Variants in RAD51 observed in about 807,000 individuals in gnomAD.
RAD51 encodes RAD51 recombinase.
RAD51 carries 14 observed loss-of-function variants against 41.5 expected under a neutral mutation model. The ratio of observed to expected loss-of-function variants is 0.34; its 90% confidence interval spans 0.22 to 0.53. The LOEUF (loss-of-function observed/expected upper bound fraction) is 0.53. RAD51 is among the 20% of genes least tolerant of loss of function. The pLI is 0.95. For synonymous variants in RAD51, 136 were observed against 148.6 expected (o/e 0.92, Z 0.62); for missense variants, 234 against 422.0 (o/e 0.55, Z 3.90).
rs2141887635 is a variant in RAD51 at position 40,731,330 on chromosome 15, A to G, written c.*152A>G. The G allele has an allele frequency of 3.0e-6, 3 of 997,228 alleles. No individual in the cohort carries two copies. Among genetic ancestry groups the G allele is most frequent in the Non-Finnish European group, 3.0e-6 (2 of 657,624 alleles). 61.8% of individuals were successfully genotyped at this position (997,228 alleles called of 1,614,324 possible). On this transcript the variant is annotated 3_prime_UTR_variant, in exon 10 of 10. Coordinates refer to ENST00000267868, the MANE Select transcript of RAD51 (RefSeq NM_002875.5). ...CTATTATATCAGCTTTTCTGATGGT[A>G]TAAACAGGAGACAGGTCAGTAGTCA...
intron 3 of RAD51, among the ~76,000 whole-genome samples, chr15:40,704,689 A>T (rs1441983595): frequency 9.8e-6 from 1 of 101,954 alleles, no homozygotes; most frequent in African/African-American, 4.0e-5. Flanking sequence ...TTTTTTTTTG[A>T]GATGGAATCT....
chr15:40,727,770 ACT>A (rs2141877916), intron 6 of RAD51, among the ~76,000 whole-genome samples: 1 of 151,680 alleles, frequency 6.6e-6, no homozygotes, highest in East Asian at 1.9e-4. Context: ...GTAAGGTGTA[ACT>A]CTATCCTAAT....
At chr15:40,709,805 TA>T (rs1234642486) in intron 5 of RAD51, among the ~76,000 whole-genome samples, 1 of 152,196 alleles carries the variant, frequency 6.6e-6, no homozygotes, top group Non-Finnish European at 1.5e-5. Flanking sequence ...TCAGTGTCTG[TA>T]CCCAAATAGC....
chr15:40,718,044 C>T (rs1440767288), intron 5 of RAD51, among the ~76,000 whole-genome samples: 1 of 151,988 alleles, frequency 6.6e-6, no homozygotes, highest in African/African-American at 2.4e-5. Flanking sequence ...CCAGCCTGGG[C>T]AATGTGGCAA....
At chr15:40,706,555 GGCACATGCCTGTAATCCCTGTAGGT>G (rs1029491675) in intron 4 of RAD51, among the ~76,000 whole-genome samples, 1 of 152,122 alleles carries the variant, frequency 6.6e-6, no homozygotes, top group African/African-American at 2.4e-5. Flanking sequence ...TGGGCATGGT[GGCACATGCCTGTAATCCCTGTAGGT>G]GCACATGCCT....
At chr15:40,696,978 T>G (rs1894680224) in intron 1 of RAD51, among the ~76,000 whole-genome samples, 1 of 152,252 alleles carries the variant, frequency 6.6e-6, no homozygotes, top group South Asian at 2.1e-4. Context: ...TATATACTGG[T>G]TATCAGCCCT....
At chr15:40,702,842 AAAG>A (rs1895088192) in intron 3 of RAD51, among the ~76,000 whole-genome samples, 1 of 150,994 alleles carries the variant, frequency 6.6e-6, no homozygotes, top group South Asian at 2.1e-4. Context: ...TAAAGAAAAA[AAAG>A]AAAAGTCTCA....
intron 9 of RAD51, among the ~76,000 whole-genome samples, chr15:40,730,281 G>A (rs188915072): frequency 2.0e-4 from 31 of 152,226 alleles, no homozygotes; most frequent in African/African-American, 7.5e-4. Flanking sequence ...AGGCCAAGGT[G>A]ATAGGATGGT....
Position 40,695,227 on chromosome 15 carries a change from G to A in RAD51, c.-201G>A, listed in dbSNP as rs1894536285. ...GCAGCGGCCAGAGACCGAGCCCTAA[G>A]GAGAGTGCGGCGCTTCCCGAGGCGT... On this transcript the variant is annotated 5_prime_UTR_variant, in exon 1 of 10. Transcript: ENST00000267868. 6.6e-6 allele frequency: 1 copy of A among 152,420 alleles called. No individual in the cohort carries two copies. The allele number at this position is 152,420 out of a possible 1,614,324, so 9.4% of individuals were successfully genotyped here.
chr15:40,718,985 C>A (rs937242606), intron 6 of RAD51, 86 bp downstream of exon 6: 2 of 1,218,128 alleles, frequency 1.6e-6, no homozygotes, highest in Non-Finnish European at 2.4e-6. Flanking sequence ...AAGAATGTCT[C>A]TTCTATAACC....
intron 6 of RAD51, among the ~76,000 whole-genome samples, chr15:40,728,233 G>A (rs1169076905): frequency 6.6e-6 from 1 of 152,174 alleles, no homozygotes; most frequent in Non-Finnish European, 1.5e-5. Flanking sequence ...GGAGGCCAAG[G>A]TGGGCGGATT....
At chr15:40,702,641 C>T (rs970013721) in intron 3 of RAD51, among the ~76,000 whole-genome samples, 1 of 151,956 alleles carries the variant, frequency 6.6e-6, no homozygotes, top group African/African-American at 2.4e-5. Context: ...CCTCAGCCTC[C>T]CAAGTAGCTG....
chr15:40,709,371 C>CTTTTTT (rs772005920), intron 5 of RAD51, among the ~76,000 whole-genome samples: 1 of 110,890 alleles, frequency 9.0e-6, no homozygotes, highest in Non-Finnish European at 1.8e-5. Context: ...TTACTTGCTA[C>CTTTTTT]TTTTTTTTTT....
rs550352867 is a variant in RAD51, at chr15:40,702,501, G to A, written c.225+1300G>A. On this transcript the variant is annotated intron_variant, in intron 3 of 9. Coordinates refer to ENST00000267868, the MANE Select transcript of RAD51 (RefSeq NM_002875.5). ...TTTGTTTCTGGCCAGTAAAGATTAT[G>A]ATTGTATTGTTTGTTTTCTGTTTTT... 4.6e-5 allele frequency among the ~76,000 whole-genome samples: 7 copies of A among 152,230 alleles called. No individual in the cohort carries two copies. In the South Asian group the frequency reaches 1.5e-3, roughly 32 times the overall value.
chr15:40,728,752 A>G lies in RAD51; in HGVS notation c.572A>G (p.Tyr191Cys). ...AGTGATGTCCTGGATAATGTAGCAT[A>G]TGCTCGAGCGTTCAACACAGACCAC... is the stretch of plus-strand genomic sequence containing the variant. ...SGSDVLDNVA[Y>C]ARAFNTDHQT... The change falls in exon 7 of 10, where the codon TAT (tyrosine) becomes TGT (cysteine). Residue 191 changes from tyrosine (Y) to cysteine (C), a missense_variant. Tyr to Cys is a radical substitution (Grantham distance 194). This residue lies in a region of RAD51 where 134 missense variants were observed against 286.5 expected (regional missense o/e 0.47). Transcript: ENST00000267868. 1 of 1,614,144 alleles carries G rather than the reference A, an allele frequency of 6.2e-7. No individual in the cohort carries two copies. Among genetic ancestry groups the G allele is most frequent in the Non-Finnish European group, 8.5e-7 (1 of 1,180,004 alleles).
intron 2 of RAD51, among the ~76,000 whole-genome samples, chr15:40,699,836 A>T (rs1016105568): frequency 6.8e-4 from 104 of 152,224 alleles, no homozygotes; most frequent in Non-Finnish European, 7.3e-5. Context: ...CCCATTGTAT[A>T]GAGACTGCCC....
chr15:40,732,321 A>T lies in RAD51; in HGVS notation c.*1143A>T, dbSNP rs1402373990. On this transcript the variant is annotated 3_prime_UTR_variant, in exon 10 of 10. Coordinates refer to ENST00000267868, the MANE Select transcript of RAD51 (RefSeq NM_002875.5). ...GATTGTGCTTAAAAGCTAATGGAAA[A>T]ATAAAAGAAAGACATACCATGGGTT... 1 of 166,662 alleles carries T rather than the reference A, an allele frequency of 6.0e-6. No homozygotes were observed. Among genetic ancestry groups the T allele is most frequent in the African/African-American group, 2.4e-5 (1 of 41,902 alleles). The allele number at this position is 166,662 out of a possible 1,614,324, so 10.3% of individuals were successfully genotyped here. A position where few individuals can be genotyped will look rare whatever the true frequency, so the allele number is the denominator to read the frequency against.
At chr15:40,729,180 G>C (rs1896741350) in intron 7 of RAD51, among the ~76,000 whole-genome samples, 1 of 152,034 alleles carries the variant, frequency 6.6e-6, no homozygotes, top group South Asian at 2.1e-4. Flanking sequence ...AGAACATCCT[G>C]GCTAACACGG....
Position 40,703,175 on chromosome 15 carries a change from C to T in RAD51, c.225+1974C>T, listed in dbSNP as rs117190554. ...TAAGCTCTGTGGAGGCAGGAATCAG[C>T]TCTTCTTTTTCTCCATATCCTTCAG... On this transcript the variant is annotated intron_variant, in intron 3 of 9. Transcript: ENST00000267868. 1.5e-3 allele frequency among the ~76,000 whole-genome samples: 223 copies of T among 152,272 alleles called. 2 individuals carry two copies. In the East Asian group the frequency reaches 0.026, roughly 18 times the overall value.
Sources: allele counts gnomAD v4.1 joint callset (sites outside exome capture counted in the v4.1 genomes callset), GRCh38; gene constraint gnomAD v4.1.1; regional missense constraint gnomAD v4.1.1; transcripts MANE v1.5; gene names NCBI Gene and HGNC (gene_info 2026-07-23, HGNC 2026-07-21).